Variants in BEST3 observed in about 807,000 individuals in gnomAD.
BEST3 encodes bestrophin 3.
Under a neutral mutation model 47.1 loss-of-function variants are expected in BEST3, and 50 were observed. The observed-to-expected ratio is 1.06, with a 90% CI of 0.85 to 1.34. The LOEUF (loss-of-function observed/expected upper bound fraction) is 1.34. Among genes scored for constraint, BEST3 ranks in the 40% most tolerant of loss-of-function variants. The pLI is 0.00. For synonymous variants in BEST3, 282 were observed against 298.8 expected (o/e 0.94, Z 0.58); for missense variants, 765 against 817.0 (o/e 0.94, Z 0.78).
rs147520920 is a variant in BEST3 at position 69,697,713 on chromosome 12, T to C, written c.86A>G (p.Tyr29Cys). The change falls in exon 2 of 10, where the codon TAC becomes TGC. Residue 29 changes from tyrosine to cysteine, a missense_variant. Coordinates refer to ENST00000330891, the MANE Select transcript of BEST3 (RefSeq NM_032735.3). ...AATAAATTCCCTGTACAGTAGTTTG[T>C]AGATGCTGCCTCTCCACTTGAGGAG... ...RLLLKWRGSI[Y>C]KLLYREFIVF... 1.8e-4 allele frequency: 287 copies of C among 1,613,404 alleles called. 3 individuals are homozygous for C. In the African/African-American group the frequency reaches 3.2e-3, roughly 18 times the overall value.
intron 9 of BEST3, among the ~76,000 whole-genome samples, chr12:69,664,926 T>A (rs572402769): frequency 6.6e-6 from 1 of 152,274 alleles, no homozygotes; most frequent in East Asian, 1.9e-4. Flanking sequence ...TAGCGTAAGA[T>A]TTGCCCAGAA....
At chr12:69,668,543 T>C (rs944598011) in intron 9 of BEST3, among the ~76,000 whole-genome samples, 2 of 152,246 alleles carry the variant, frequency 1.3e-5, no homozygotes, top group African/African-American at 2.4e-5. Flanking sequence ...ATTGACCTTG[T>C]ATTTGGTGAG....
intron 4 of BEST3, among the ~76,000 whole-genome samples, chr12:69,686,009 C>T (rs1251828106): frequency 6.6e-6 from 1 of 152,064 alleles, no homozygotes; most frequent in Non-Finnish European, 1.5e-5. Context: ...TCTGTCTGTT[C>T]CGGGCTCATC....
intron 7 of BEST3, among the ~76,000 whole-genome samples, chr12:69,674,465 G>A (rs1884777303): frequency 6.6e-6 from 1 of 152,080 alleles, no homozygotes; most frequent in African/African-American, 2.4e-5. Context: ...GCCTTTCCTT[G>A]GGCAGGTCTG....
intron 5 of BEST3, among the ~76,000 whole-genome samples, chr12:69,678,323 C>T (rs2135986356): frequency 6.6e-6 from 1 of 152,100 alleles, no homozygotes; most frequent in African/African-American, 2.4e-5. Flanking sequence ...GCTGGCTTAA[C>T]CTCGCGATAT....
At chr12:69,649,869 T>C (rs761884169), downstream of BEST3, among the ~76,000 whole-genome samples, 3 of 152,258 alleles carry the variant, frequency 2.0e-5, no homozygotes, top group Non-Finnish European at 2.9e-5. Flanking sequence ...AAACCCATTT[T>C]AGAAACGTTC....
intron 9 of BEST3, among the ~76,000 whole-genome samples, chr12:69,659,090 C>T (rs1016332460): frequency 4.6e-5 from 7 of 152,154 alleles, no homozygotes; most frequent in African/African-American, 9.7e-5. Context: ...TTTAGAAGCA[C>T]GCTTGGTGAT....
chr12:69,678,988 G>T, intron 4 of BEST3, 95 bp from the exon 5 acceptor site: 1 of 1,026,752 alleles, frequency 9.7e-7, no homozygotes. Flanking sequence ...ATATAATGAG[G>T]GGATATTAAA....
chr12:69,675,896 A>G (rs1021086242), intron 7 of BEST3, among the ~76,000 whole-genome samples: 4 of 152,222 alleles, frequency 2.6e-5, no homozygotes, highest in African/African-American at 7.2e-5. Context: ...ACGACAAGGT[A>G]TGGCTCTTTG....
At chr12:69,686,792 A>C (rs1159015077) in intron 4 of BEST3, among the ~76,000 whole-genome samples, 1 of 150,500 alleles carries the variant, frequency 6.6e-6, no homozygotes, top group Non-Finnish European at 1.5e-5. Context: ...AAAAAAAAGA[A>C]AGAAAAGAAA....
chr12:69,653,713 G>A lies in BEST3; in HGVS notation c.*1194C>T, dbSNP rs1883290652. 1 of 985,268 alleles carries A rather than the reference G, an allele frequency of 1.0e-6. No homozygotes were observed. The highest frequency in any genetic ancestry group is 1.7e-5 in the African/African-American group (1 of 57,208). 61.0% of individuals were successfully genotyped at this position (985,268 alleles called of 1,614,324 possible). A position where few individuals can be genotyped will look rare whatever the true frequency, so the allele number is the denominator to read the frequency against. ...TAAGGCATGGCCTAGGCACTTGGGAGCCCACGACAAACAGCTGTCCTGAGA... is the reference window on the plus strand; with the variant it reads ...TAAGGCATGGCCTAGGCACTTGGGAACCCACGACAAACAGCTGTCCTGAGA... On this transcript the variant is annotated 3_prime_UTR_variant, in exon 10 of 10. Transcript: ENST00000330891.
chr12:69,671,501 C>T lies in BEST3; in HGVS notation c.1027G>A (p.Ala343Thr). The T allele has an allele frequency of 6.2e-7, 1 of 1,614,018 alleles. No individual in the cohort carries two copies. The highest frequency in any genetic ancestry group is 8.5e-7 in the Non-Finnish European group (1 of 1,179,898). Residue 343 changes from alanine to threonine, a missense_variant, in exon 9 of 10, where the codon GCT (alanine) becomes ACT (threonine). Ala to Thr is a moderately conservative substitution (Grantham distance 58, BLOSUM62 0). Coordinates refer to ENST00000330891, the MANE Select transcript of BEST3 (RefSeq NM_032735.3). ...GCTGCCAATGTGTATGGTGGGCGAG[C>T]AGCAGAATCGTCCCAGTAAATGTCC... is the stretch of plus-strand genomic sequence containing the variant. ...KKDIYWDDSA[A>T]RPPYTLAAAD...
intron 9 of BEST3, among the ~76,000 whole-genome samples, chr12:69,662,228 T>G (rs2091820418): frequency 6.6e-6 from 1 of 152,142 alleles, no homozygotes; most frequent in Non-Finnish European, 1.5e-5. Flanking sequence ...AAGTGAAAAA[T>G]CAATGTTCCC....
chr12:69,693,913 G>T lies in BEST3; in HGVS notation c.248-6C>A. 1 of 1,577,276 alleles carries T rather than the reference G, an allele frequency of 6.3e-7. No individual in the cohort carries two copies. The highest frequency in any genetic ancestry group is 8.7e-7 in the Non-Finnish European group (1 of 1,154,276). ...TACCAGAGTAACATAAAACCCTGTA[G>T]AATAACAGGAAATTATAAAGCAGTT... On this transcript the variant is annotated splice_polypyrimidine_tract_variant and splice_region_variant and intron_variant, in intron 3 of 9. Coordinates refer to ENST00000330891, the MANE Select transcript of BEST3 (RefSeq NM_032735.3).
At chr12:69,643,564 C>A in exon 10 of BEST3, 2 of 520,948 alleles carry the variant, frequency 3.8e-6, no homozygotes. Context: ...TAATAAAGTG[C>A]ATTTCTTAGG....
At chr12:69,658,625 G>A (rs1883663159) in intron 9 of BEST3, among the ~76,000 whole-genome samples, 1 of 152,196 alleles carries the variant, frequency 6.6e-6, no homozygotes, top group South Asian at 2.1e-4. Context: ...GGAGAGAGAA[G>A]ACATATAAAT....
chr12:69,686,019 C>G (rs188959478), intron 4 of BEST3, among the ~76,000 whole-genome samples: 132 of 152,212 alleles, frequency 8.7e-4, no homozygotes, highest in Non-Finnish European at 1.5e-3. Context: ...CCGGGCTCAT[C>G]ATGTGAGACT....
chr12:69,655,014 C>A lies in BEST3; in HGVS notation c.1900G>T (p.Ala634Ser). ...SSEISGINIV[A>S]GSRVSSDMLY... ...ATATCAGAAGAGACTCGAGAGCCAG[C>A]CACAATGTTGATCCCACTGATCTCT... The change falls in exon 10 of 10, where the codon GCT becomes TCT. Residue 634 changes from alanine to serine, a missense_variant. Coordinates refer to ENST00000330891, the MANE Select transcript of BEST3 (RefSeq NM_032735.3). 1 of 1,614,094 alleles carries A rather than the reference C, an allele frequency of 6.2e-7. No individual in the cohort carries two copies. Among genetic ancestry groups the A allele is most frequent in the Non-Finnish European group, 8.5e-7 (1 of 1,180,008 alleles).
chr12:69,655,791 C>T lies in BEST3; in HGVS notation c.1123G>A (p.Asp375Asn), dbSNP rs780678486. 1 of 1,609,546 alleles carries T rather than the reference C, an allele frequency of 6.2e-7. No homozygotes were observed. Among genetic ancestry groups the T allele is most frequent in the Non-Finnish European group, 8.5e-7 (1 of 1,176,742 alleles). Residue 375 changes from aspartate to asparagine, a missense_variant, in exon 10 of 10, where the codon GAC (aspartate) becomes AAC (asparagine). Physicochemically the swap from Asp to Asn is conservative, Grantham distance 23. Transcript: ENST00000330891. ...QMGLSGSDFP[D>N]EEWLWDYEKH... Reference sequence around the variant, plus strand: ...TCATAATCCCACAGCCACTCCTCGTCAGGAAAGTCGGACCCAGACAGCCTG... The same window carrying T: ...TCATAATCCCACAGCCACTCCTCGTTAGGAAAGTCGGACCCAGACAGCCTG...
Sources: gnomAD v4.1 joint callset for allele counts (sites outside exome capture counted in the v4.1 genomes callset) on GRCh38, gnomAD v4.1.1 for gene constraint, MANE v1.5 for transcripts, NCBI Gene and HGNC (gene_info 2026-07-23, HGNC 2026-07-21) for gene names.